Variants in AGO2 observed in about 807,000 individuals in gnomAD.
The protein encoded by AGO2 is argonaute RISC catalytic component 2.
In AGO2, 5 loss-of-function variants were observed where a neutral mutation model predicts 102.3. The observed-to-expected ratio is 0.05, with a 90% CI of 0.03 to 0.10. The LOEUF is 0.10. AGO2 is among the 10% of genes least tolerant of loss of function. The probability of loss-of-function intolerance (pLI) is 1.00; values close to 1 mark genes in which losing one functional copy is unlikely to be tolerated. For synonymous variants in AGO2, 449 were observed against 473.1 expected (o/e 0.95, Z 0.66); for missense variants, 541 against 1,183.7 (o/e 0.46, Z 7.97).
chr8:140,553,390 G>A (rs979433272), intron 10 of AGO2, among the ~76,000 whole-genome samples: 1 of 148,764 alleles, frequency 6.7e-6, no homozygotes, highest in Admixed American at 6.8e-5. Context: ...CCTCAAACAA[G>A]TTACAAGTTT....
At chr8:140,628,739 T>G (rs1271947670) in intron 1 of AGO2, among the ~76,000 whole-genome samples, 1 of 151,940 alleles carries the variant, frequency 6.6e-6, no homozygotes, top group East Asian at 1.9e-4. Flanking sequence ...CACTCTAGCC[T>G]GGGCAACAGA....
intron 2 of AGO2, among the ~76,000 whole-genome samples, chr8:140,582,023 T>C (rs941915227): frequency 2.6e-5 from 4 of 152,312 alleles, no homozygotes; most frequent in South Asian, 2.1e-4. Flanking sequence ...TCCAAGAACA[T>C]AGCATACTTT....
At chr8:140,556,041 C>T (rs530494759) in intron 9 of AGO2, 23 bp from the exon 10 acceptor site, 31 of 1,613,480 alleles carry the variant, frequency 1.9e-5, no homozygotes, top group African/African-American at 2.7e-5. Flanking sequence ...AACAAGAAAA[C>T]GCACGGAGTG....
intron 1 of AGO2, among the ~76,000 whole-genome samples, chr8:140,617,947 G>T (rs1304362690): frequency 6.6e-6 from 1 of 151,904 alleles, no homozygotes; most frequent in Admixed American, 6.6e-5. Flanking sequence ...GGTTGAGGCT[G>T]CTGTGAGCCG....
intron 1 of AGO2, among the ~76,000 whole-genome samples, chr8:140,602,786 T>G (rs2073949520): frequency 6.6e-6 from 1 of 152,204 alleles, no homozygotes; most frequent in Non-Finnish European, 1.5e-5. Flanking sequence ...GAGGTACCAT[T>G]TTTTTCCTAG....
chr8:140,561,937 C>G (rs2073208527), intron 4 of AGO2, among the ~76,000 whole-genome samples: 2 of 152,204 alleles, frequency 1.3e-5, no homozygotes, highest in African/African-American at 2.4e-5. Context: ...AACCCTCTGC[C>G]CAGCAACCGG....
chr8:140,618,924 C>A (rs2074179038), intron 1 of AGO2, among the ~76,000 whole-genome samples: 1 of 151,266 alleles, frequency 6.6e-6, no homozygotes, highest in African/African-American at 2.4e-5. Context: ...ATGAGCATGT[C>A]TTTCTTTTTA....
At chr8:140,558,616 C>A in intron 6 of AGO2, 44 bp from the exon 7 acceptor site, 1 of 1,595,952 alleles carries the variant, frequency 6.3e-7, no homozygotes. Flanking sequence ...GCTGTCCCGA[C>A]CTGAGTGCAG....
chr8:140,558,597 G>T (rs777238528), intron 6 of AGO2, 25 bp from the exon 7 acceptor site: 1 of 1,611,978 alleles, frequency 6.2e-7, no homozygotes. Flanking sequence ...CACAGGCATC[G>T]GCATCGGGGC....
At chr8:140,561,198 C>T (rs180671370) in intron 4 of AGO2, among the ~76,000 whole-genome samples, 520 of 152,350 alleles carry the variant, frequency 3.4e-3, no homozygotes, top group African/African-American at 0.011. Flanking sequence ...ACCTGCTGCA[C>T]GGGCACCGTG....
intron 17 of AGO2, among the ~76,000 whole-genome samples, chr8:140,534,856 C>A (rs2132860991): frequency 6.6e-6 from 1 of 152,320 alleles, no homozygotes; most frequent in Non-Finnish European, 1.5e-5. Context: ...AGGGGCAGCT[C>A]CTACCACGGA....
intron 13 of AGO2, among the ~76,000 whole-genome samples, chr8:140,547,174 CTCCTGGCCA>C (rs1238673193): frequency 6.6e-6 from 1 of 152,220 alleles, no homozygotes; most frequent in Non-Finnish European, 1.5e-5. Flanking sequence ...CCATCTCCAT[CTCCTGGCCA>C]TCCAAGGCAT....
At chr8:140,621,345 A>G (rs1588512912) in intron 1 of AGO2, among the ~76,000 whole-genome samples, 1 of 152,088 alleles carries the variant, frequency 6.6e-6, no homozygotes, top group South Asian at 2.1e-4. Flanking sequence ...CACTGGAGAC[A>G]CCTGCCATTT....
chr8:140,625,672 C>CCCG (rs1159328943), intron 1 of AGO2, among the ~76,000 whole-genome samples: 1 of 152,170 alleles, frequency 6.6e-6, no homozygotes, highest in Non-Finnish European at 1.5e-5. Flanking sequence ...AACCAGAGTT[C>CCCG]CCGCCGACTC....
intron 3 of AGO2, among the ~76,000 whole-genome samples, chr8:140,564,800 G>A (rs1385795740): frequency 6.6e-6 from 1 of 151,886 alleles, no homozygotes; most frequent in East Asian, 1.9e-4. Context: ...AAAACTAGCT[G>A]TAACAATATC....
chr8:140,544,390 G>T (rs2072857563), intron 13 of AGO2, 87 bp from the exon 14 acceptor site: 2 of 1,101,818 alleles, frequency 1.8e-6, no homozygotes, highest in Admixed American at 2.5e-5. Flanking sequence ...TTTTGGAGGT[G>T]GTCAGTGTAT....
At chr8:140,545,805 G>A (rs1007115214) in intron 13 of AGO2, among the ~76,000 whole-genome samples, 6 of 152,196 alleles carry the variant, frequency 3.9e-5, no homozygotes, top group East Asian at 1.9e-4. Flanking sequence ...TGGCGTGGCC[G>A]AGGCCACCAG....
chr8:140,549,302 CAGG>C lies in AGO2; in HGVS notation c.1404-7_1404-5del, dbSNP rs1175113621. 3 of 1,585,872 alleles carry C rather than the reference CAGG, an allele frequency of 1.9e-6. No individual in the cohort carries two copies. The highest frequency in any genetic ancestry group is 1.3e-5 in the African/African-American group (1 of 74,442). On this transcript the variant is annotated splice_region_variant and splice_polypyrimidine_tract_variant and intron_variant, in intron 11 of 18. Transcript: ENST00000220592. ...TCTGAGCTGCTCTGTGAAGGACCTGCAGGAGAAGGCTCCGTTCACTACCGGGCA... is the reference window on the plus strand; with the variant it reads ...TCTGAGCTGCTCTGTGAAGGACCTGCAGAAGGCTCCGTTCACTACCGGGCA...
rs546186524 is a variant in AGO2, at chr8:140,573,919, G to A, written c.216-987C>T. ...TCTGATTGCCAGAAGAATGAGTCCCGGGTGCTGCTACCCCTCCAGTCCAGC... is the reference window on the plus strand; with the variant it reads ...TCTGATTGCCAGAAGAATGAGTCCCAGGTGCTGCTACCCCTCCAGTCCAGC... On this transcript the variant is annotated intron_variant, in intron 2 of 18. Transcript: ENST00000220592. Among the ~76,000 whole-genome samples the A allele has an allele frequency of 2.3e-4, 35 of 152,306 alleles. No homozygotes were observed. The South Asian group carries it at 7.1e-3, about 31-fold the overall frequency.
Sources: allele counts gnomAD v4.1 joint callset (sites outside exome capture counted in the v4.1 genomes callset), GRCh38; gene constraint gnomAD v4.1.1; transcripts MANE v1.5; gene names NCBI Gene and HGNC (gene_info 2026-07-23, HGNC 2026-07-21).